BOD1L1: variants seen among roughly 807,000 people sequenced by gnomAD.
The protein encoded by BOD1L1 is biorientation of chromosomes in cell division 1 like 1, also known as biorientation of chromosomes in cell division protein 1-like 1.
A neutral mutation model predicts 240.7 loss-of-function variants in BOD1L1; 86 were observed. That is an observed-to-expected ratio of 0.36 (90% CI 0.30 to 0.43). BOD1L1 has a LOEUF of 0.43. Among genes scored for constraint, BOD1L1 ranks in the 20% least tolerant of loss-of-function variants. The probability of loss-of-function intolerance (pLI) is 1.00; values close to 1 mark genes in which losing one functional copy is unlikely to be tolerated. For missense variants in BOD1L1, 3,554 were observed against 3,643.5 expected (o/e 0.98, Z 0.63); for synonymous variants, 1,268 against 1,272.3 (o/e 1.00, Z 0.07).
intron 2 of BOD1L1, among the ~76,000 whole-genome samples, chr4:13,619,401 A>T (rs1716874783): frequency 6.6e-6 from 1 of 151,476 alleles, no homozygotes; most frequent in South Asian, 2.1e-4. Context: ...CCTTATGTTC[A>T]CTCAAAATGG....
rs1712070680 is a variant in BOD1L1, at chr4:13,570,055, G to A, written c.9112C>T (p.Gln3038Ter). 1 of 1,606,298 alleles carries A rather than the reference G, an allele frequency of 6.2e-7. No homozygotes were observed. The highest frequency in any genetic ancestry group is 8.5e-7 in the Non-Finnish European group (1 of 1,176,846). ...ACAGGGGCTTCCTCCACCCTTTGCT[G>A]GCCTCTTGTTCGGGCCCCAGGAGGG... is the stretch of plus-strand genomic sequence containing the variant. ...VSPPGARTRG[Q>*]QRVEEAPVKK... Residue 3038 changes from glutamine (Q) to a stop codon, truncating the protein, a stop_gained, in exon 26 of 26, where the codon CAG (glutamine) becomes TAG (stop). Transcript: ENST00000040738. LOFTEE classifies it high-confidence loss of function.
chr4:13,612,820 A>T (rs1382001922), intron 5 of BOD1L1, among the ~76,000 whole-genome samples: 2 of 152,160 alleles, frequency 1.3e-5, no homozygotes, highest in Admixed American at 1.3e-4. Context: ...GAGGGGGTAG[A>T]GACTGAGATC....
At chr4:13,577,696 G>A (rs1712880102) in intron 22 of BOD1L1, 65 bp from the exon 23 acceptor site, 1 of 1,248,528 alleles carries the variant, frequency 8.0e-7, no homozygotes, top group African/African-American at 1.5e-5. Flanking sequence ...TCAACAATCA[G>A]CCTGGCTTGT....
Position 13,608,589 on chromosome 4 carries a change from T to C in BOD1L1, c.1683A>G (p.Lys561=), listed in dbSNP as rs1476457638. 1 of 1,555,650 alleles carries C rather than the reference T, an allele frequency of 6.4e-7. No individual in the cohort carries two copies. Among genetic ancestry groups the C allele is most frequent in the East Asian group, 2.3e-5 (1 of 42,688 alleles). Residue 561 remains lysine, a synonymous_variant, in exon 8 of 26, where the codon AAA becomes AAG. Transcript: ENST00000040738. ...CTTTTTTTTCTAAAACTTTCCGTTC[T>C]TTAAGGACTTCTTTAATTCTGGCGG... is the stretch of plus-strand genomic sequence containing the variant. ...PKAARIKEVL[K]ERKVLEKKVA... is the part of the protein sequence containing the mutation.
At chr4:13,581,108 A>G (rs1435778652) in intron 20 of BOD1L1, 24 bp downstream of exon 20, 4 of 1,568,536 alleles carry the variant, frequency 2.6e-6, no homozygotes, top group Non-Finnish European at 3.5e-6. Flanking sequence ...TTGTGTGTGA[A>G]CTGAAAACAC....
intron 25 of BOD1L1, among the ~76,000 whole-genome samples, chr4:13,570,358 G>A (rs945151183): frequency 6.6e-6 from 1 of 152,218 alleles, no homozygotes; most frequent in Non-Finnish European, 1.5e-5. Flanking sequence ...TTTGAAGCCT[G>A]TGCTCTGGTT....
rs146630428 is a variant in BOD1L1, at chr4:13,604,821, C to T, written c.2079G>A (p.Gln693=). 7.2e-5 allele frequency: 116 copies of T among 1,612,762 alleles called. No individual in the cohort carries two copies. In the African/African-American group the frequency reaches 1.3e-3, roughly 19 times the overall value. The change falls in exon 10 of 26, where the codon CAG becomes CAA. Residue 693 remains glutamine, a synonymous_variant. Transcript: ENST00000040738. ...GCTTTTCGTTTTTAAGTGTGCTTTT[C>T]TGTTTCTGGGGCTCTTCGGTGCAAA... ...SEICTEEPQK[Q]KSTLKNEKHL... is the part of the protein sequence containing the mutation.
At chr4:13,587,008 A>G (rs964803730) in intron 16 of BOD1L1, among the ~76,000 whole-genome samples, 2 of 152,248 alleles carry the variant, frequency 1.3e-5, no homozygotes, top group Admixed American at 1.3e-4. Context: ...ACCAAATAAT[A>G]TAAAATATAA....
intron 11 of BOD1L1, among the ~76,000 whole-genome samples, chr4:13,596,607 A>T (rs1016478505): frequency 6.6e-6 from 1 of 150,964 alleles, no homozygotes; most frequent in African/African-American, 2.4e-5. Context: ...AGCAGATTTT[A>T]TTCTAAGCAT....
chr4:13,584,727 A>C (rs1376545255), intron 17 of BOD1L1, among the ~76,000 whole-genome samples: 1 of 151,760 alleles, frequency 6.6e-6, no homozygotes, highest in Non-Finnish European at 1.5e-5. Context: ...TCCTGCTTTT[A>C]TTTTTCCAGT....
rs1389113262 is a variant in BOD1L1, at chr4:13,627,495, G to A, written c.93C>T (p.Gly31=). The A allele has an allele frequency of 6.0e-6, 6 of 999,946 alleles. 1 individual carries two copies. The South Asian group carries it at 1.8e-4, about 30-fold the overall frequency. 61.9% of individuals were successfully genotyped at this position (999,946 alleles called of 1,614,324 possible). Reference sequence around the variant, plus strand: ...CGCCCGCGCCGGGGCCAGCCCCGGGGCCCGGCGGCGGCGGCGGTGGCTGCG... The same window carrying A: ...CGCCCGCGCCGGGGCCAGCCCCGGGACCCGGCGGCGGCGGCGGTGGCTGCG... ...PQPQPPPPPP[G]PGAGPGAGGA... Residue 31 remains glycine, a synonymous_variant, in exon 1 of 26, where the codon GGC becomes GGT. Transcript: ENST00000040738.
At chr4:13,573,414 A>G (rs541176105) in intron 25 of BOD1L1, among the ~76,000 whole-genome samples, 6 of 134,760 alleles carry the variant, frequency 4.5e-5, no homozygotes, top group Non-Finnish European at 8.2e-5. Flanking sequence ...GTTTGCTTCT[A>G]TCTATCTGTC....
rs1349990895 is a variant in BOD1L1 at position 13,597,127 on chromosome 4, G to C, written c.7996C>G (p.Leu2666Val). ...ACCTCCATTTTCAAGTTGGCTTTCA[G>C]TTTCAATCCTCCCAAAACATTCAAT... ...SPLNVLGGLK[L>V]KANLKMEAYV... The change falls in exon 11 of 26, where the codon CTG becomes GTG. Residue 2666 changes from leucine (L) to valine (V), a missense_variant. Around this residue, in one of 2 missense-constraint regions of BOD1L1, gnomAD observed 3,393 missense variants for 3,427.1 expected, o/e 0.99. Transcript: ENST00000040738. 1.2e-5 allele frequency: 19 copies of C among 1,594,686 alleles called. No homozygotes were observed. Among genetic ancestry groups the C allele is most frequent in the Non-Finnish European group, 1.6e-5 (19 of 1,169,436 alleles).
At chr4:13,573,727 T>C (rs1437827455) in intron 25 of BOD1L1, among the ~76,000 whole-genome samples, 2 of 152,182 alleles carry the variant, frequency 1.3e-5, no homozygotes, top group Admixed American at 1.3e-4. Flanking sequence ...TTTCACCATA[T>C]TGGCAAGGCT....
chr4:13,620,847 T>C (rs1339778211), intron 1 of BOD1L1, among the ~76,000 whole-genome samples: 2 of 152,162 alleles, frequency 1.3e-5, no homozygotes, highest in Non-Finnish European at 2.9e-5. Flanking sequence ...GAGGGACAAC[T>C]ACTTGAACTA....
intron 7 of BOD1L1, 89 bp from the exon 8 acceptor site, chr4:13,608,757 T>G (rs1455623450): frequency 8.8e-7 from 1 of 1,141,850 alleles, no homozygotes; most frequent in Non-Finnish European, 1.2e-6. Context: ...TTCTAATCAT[T>G]GTTAAAGCCA....
Position 13,614,484 on chromosome 4 carries a change from C to G in BOD1L1, c.886G>C (p.Glu296Gln), listed in dbSNP as rs771603200. The G allele has an allele frequency of 1.1e-5, 17 of 1,613,694 alleles. No individual in the cohort carries two copies. In the South Asian group the frequency reaches 1.6e-4, roughly 16 times the overall value. Reference protein sequence around the residue: ...PVEEIKNYTKEHNNLILLNKD... With the variant: ...PVEEIKNYTKQHNNLILLNKD... ...TTTAGCAGAATTAAATTATTATGCT[C>G]TTTTGTGTAATTTTTAATTTCTTCG... Residue 296 changes from glutamate (E) to glutamine (Q), a missense_variant, in exon 4 of 26, where the codon GAG (glutamate) becomes CAG (glutamine). This residue lies in a region of BOD1L1 where 3,393 missense variants were observed against 3,427.1 expected (regional missense o/e 0.99). Coordinates refer to ENST00000040738, the MANE Select transcript of BOD1L1 (RefSeq NM_148894.3).
chr4:13,580,482 C>A (rs1713138278), intron 21 of BOD1L1, among the ~76,000 whole-genome samples: 1 of 152,182 alleles, frequency 6.6e-6, no homozygotes, highest in Non-Finnish European at 1.5e-5. Flanking sequence ...GTCCTCCTTA[C>A]AATGCTCTTC....
chr4:13,599,452 C>T lies in BOD1L1; in HGVS notation c.7448G>A (p.Gly2483Asp), dbSNP rs779241548. 1.2e-6 allele frequency: 2 copies of T among 1,614,018 alleles called. No individual in the cohort carries two copies. The highest frequency in any genetic ancestry group is 2.2e-5 in the East Asian group (1 of 44,888). ...TGCTGAATAACTTGCTGTGCTACTGCCCCCTGCTGTCCCTGTCTCTGGGCT... is the reference window on the plus strand; with the variant it reads ...TGCTGAATAACTTGCTGTGCTACTGTCCCCTGCTGTCCCTGTCTCTGGGCT... ...DKSPETGTAG[G>D]SSTASYSAGR... Residue 2483 changes from glycine (G) to aspartate (D), a missense_variant, in exon 10 of 26, where the codon GGC (glycine) becomes GAC (aspartate). Coordinates refer to ENST00000040738, the MANE Select transcript of BOD1L1 (RefSeq NM_148894.3).
Sources: allele counts gnomAD v4.1 joint callset (sites outside exome capture counted in the v4.1 genomes callset), GRCh38; gene constraint gnomAD v4.1.1; regional missense constraint gnomAD v4.1.1; transcripts MANE v1.5; gene names NCBI Gene and HGNC (gene_info 2026-07-23, HGNC 2026-07-21).